Variants in TXNL1 observed in about 807,000 individuals in gnomAD.
TXNL1 encodes the protein thioredoxin-like protein 1.
In TXNL1, 14 loss-of-function variants were observed where a neutral mutation model predicts 35.5. The observed-to-expected ratio is 0.39, with a 90% CI of 0.26 to 0.62. The LOEUF is 0.62. Ranked by LOEUF, TXNL1 falls within the 20% of genes least tolerant of loss-of-function variation. The pLI, the probability that TXNL1 is intolerant of heterozygous loss-of-function variation, is 0.47. For synonymous variants in TXNL1, 110 were observed against 115.5 expected (o/e 0.95, Z 0.31); for missense variants, 263 against 349.7 (o/e 0.75, Z 1.98).
chr18:56,612,915 C>T (rs1470448860), intron 6 of TXNL1, among the ~76,000 whole-genome samples: 1 of 151,124 alleles, frequency 6.6e-6, no homozygotes, highest in Non-Finnish European at 1.5e-5. Context: ...TGTAATGACA[C>T]AACTGCAGCT....
At chr18:56,614,282 T>G in intron 6 of TXNL1, 142 bp downstream of exon 6, 1 of 669,888 alleles carries the variant, frequency 1.5e-6, no homozygotes, top group Non-Finnish European at 2.3e-6. Context: ...AAGAAGAAAA[T>G]TTATCCCATT....
rs2023793543 is a variant in TXNL1, at chr18:56,600,160, A to G, written c.*2867T>C. 1 of 152,254 alleles carries G rather than the reference A, an allele frequency of 6.6e-6. No homozygotes were observed. Among genetic ancestry groups the G allele is most frequent in the South Asian group, 2.1e-4 (1 of 4,838 alleles). The allele number at this position is 152,254 out of a possible 1,614,324, so 9.4% of individuals were successfully genotyped here. Reference sequence around the variant, plus strand: ...TAAAAGCCCATGATCAGGGATATTAATTGCAGCCATAAATAAACTGCTGAG... The same window carrying G: ...TAAAAGCCCATGATCAGGGATATTAGTTGCAGCCATAAATAAACTGCTGAG... On this transcript the variant is annotated 3_prime_UTR_variant, in exon 8 of 8. Coordinates refer to ENST00000217515, the MANE Select transcript of TXNL1 (RefSeq NM_004786.3).
At chr18:56,637,685 A>G (rs2024478088) in intron 1 of TXNL1, among the ~76,000 whole-genome samples, 1 of 152,222 alleles carries the variant, frequency 6.6e-6, no homozygotes. Flanking sequence ...CACCTGAAAT[A>G]TATTATATAT....
intron 6 of TXNL1, among the ~76,000 whole-genome samples, chr18:56,611,689 TTCTC>T (rs1183817366): frequency 6.6e-6 from 1 of 151,614 alleles, no homozygotes. Flanking sequence ...CACAATTAAA[TTCTC>T]TCTCTATATG....
rs1251985719 is a variant in TXNL1 at position 56,601,558 on chromosome 18, G to A, written c.*1469C>T. 1 of 152,036 alleles carries A rather than the reference G, an allele frequency of 6.6e-6. No homozygotes were observed. The allele number at this position is 152,036 out of a possible 1,614,324, so 9.4% of individuals were successfully genotyped here. On this transcript the variant is annotated 3_prime_UTR_variant, in exon 8 of 8. Coordinates refer to ENST00000217515, the MANE Select transcript of TXNL1 (RefSeq NM_004786.3). ...TTTAAGGAGTGTTAAGATCATCACA[G>A]ACCAGTTAATGTGCCCATATACAAA...
chr18:56,626,850 G>GCT (rs2024292103), intron 1 of TXNL1, among the ~76,000 whole-genome samples: 1 of 116,028 alleles, frequency 8.6e-6, no homozygotes, highest in Non-Finnish European at 1.7e-5. Flanking sequence ...TATAACCCAG[G>GCT]CCAGAGTACA....
chr18:56,616,363 G>A, intron 4 of TXNL1, 49 bp from the exon 5 acceptor site: 1 of 1,478,968 alleles, frequency 6.8e-7, no homozygotes, highest in Non-Finnish European at 9.3e-7. Context: ...CACACCTTGA[G>A]TACATAAACT....
rs1333291098 is a variant in TXNL1, at chr18:56,602,360, G to C, written c.*667C>G. 8.0e-6 allele frequency: 1 copy of C among 124,914 alleles called. No individual in the cohort carries two copies. The highest frequency in any genetic ancestry group is 1.6e-5 in the Non-Finnish European group (1 of 63,004). 7.7% of individuals were successfully genotyped at this position (124,914 alleles called of 1,614,324 possible). A position where few individuals can be genotyped will look rare whatever the true frequency, so the allele number is the denominator to read the frequency against. On this transcript the variant is annotated 3_prime_UTR_variant, in exon 8 of 8. Coordinates refer to ENST00000217515, the MANE Select transcript of TXNL1 (RefSeq NM_004786.3). ...TGCTGTATTTTTTCCCCAACTGTCT[G>C]ATTTCCACATTCTTCTATTAGTTAA...
intron 6 of TXNL1, 65 bp from the exon 7 acceptor site, chr18:56,611,162 C>T: frequency 9.2e-7 from 1 of 1,082,934 alleles, no homozygotes; most frequent in South Asian, 1.4e-5. Context: ...TAAGTTTAAT[C>T]AATTTCCTTA....
At chr18:56,616,134 A>T in intron 5 of TXNL1, 111 bp downstream of exon 5, 2 of 779,366 alleles carry the variant, frequency 2.6e-6, no homozygotes, top group Non-Finnish European at 3.7e-6. Flanking sequence ...TCTGTCTCAA[A>T]AAAAAAAAAA....
Position 56,626,980 on chromosome 18 carries a change from A to ATT in TXNL1, c.99-525_99-524dup, listed in dbSNP as rs556368982. 8.7e-3 allele frequency among the ~76,000 whole-genome samples: 1,095 copies of ATT among 125,682 alleles called. 12 individuals are homozygous for ATT. The highest frequency in any genetic ancestry group is 0.029 in the African/African-American group (1,006 of 34,878). 82.5% of individuals were successfully genotyped at this position (125,682 alleles called of 152,430 possible). On this transcript the variant is annotated intron_variant, in intron 1 of 7. Transcript: ENST00000217515. ...CCACCACACCCAGCTACCAAGCTAC[A>ATT]TTTTTTTTTTTTTTGAGAAGCAGGG...
At chr18:56,629,961 G>A (rs938353206) in intron 1 of TXNL1, among the ~76,000 whole-genome samples, 3 of 152,126 alleles carry the variant, frequency 2.0e-5, no homozygotes, top group African/African-American at 7.2e-5. Flanking sequence ...CACTTTGGGA[G>A]GCCAAGGCAG....
intron 5 of TXNL1, among the ~76,000 whole-genome samples, chr18:56,615,016 T>C (rs2024060877): frequency 6.6e-6 from 1 of 152,242 alleles, no homozygotes; most frequent in South Asian, 2.1e-4. Flanking sequence ...CTAGATCTTA[T>C]AGTTGCCAAT....
chr18:56,632,232 G>C (rs1054854306), intron 1 of TXNL1, among the ~76,000 whole-genome samples: 1 of 152,092 alleles, frequency 6.6e-6, no homozygotes, highest in African/African-American at 2.4e-5. Context: ...GCAACAACTT[G>C]TGTCAATATA....
At chr18:56,625,448 T>C (rs1341969349) in intron 2 of TXNL1, among the ~76,000 whole-genome samples, 1 of 152,208 alleles carries the variant, frequency 6.6e-6, no homozygotes, top group African/African-American at 2.4e-5. Context: ...CTGATCTGTA[T>C]TTTATACTTT....
At chr18:56,626,716 C>T (rs145907096) in intron 1 of TXNL1, among the ~76,000 whole-genome samples, 1,599 of 148,706 alleles carry the variant, frequency 0.011, 47 homozygotes, top group Admixed American at 0.056. Context: ...AGGCTGGTCT[C>T]GAACTCCTGA....
At position 56,626,481 on chromosome 18, in the gene TXNL1, A is replaced by C. The variant is rs776849764; in HGVS notation, c.99-24T>G. 2.2e-5 allele frequency: 35 copies of C among 1,563,792 alleles called. No individual in the cohort carries two copies. In the Admixed American group the frequency reaches 3.7e-4, roughly 16 times the overall value. On this transcript the variant is annotated intron_variant, in intron 1 of 7. Coordinates refer to ENST00000217515, the MANE Select transcript of TXNL1 (RefSeq NM_004786.3). Reference sequence around the variant, plus strand: ...ACCTGTTAGAAAAGGAAAATTAAGTAAAATAACACTAAAGATTGTAATTCT... The same window carrying C: ...ACCTGTTAGAAAAGGAAAATTAAGTCAAATAACACTAAAGATTGTAATTCT...
chr18:56,611,106 A>G lies in TXNL1; in HGVS notation c.736-9T>C. Reference sequence around the variant, plus strand: ...TTCGACTGAACAAATATCTACCAAAAAAAAGTTTGCATTTATAATTACAAT... The same window carrying G: ...TTCGACTGAACAAATATCTACCAAAGAAAAGTTTGCATTTATAATTACAAT... On this transcript the variant is annotated splice_polypyrimidine_tract_variant and intron_variant, in intron 6 of 7. Transcript: ENST00000217515. 1 of 1,574,322 alleles carries G rather than the reference A, an allele frequency of 6.4e-7. No individual in the cohort carries two copies. Among genetic ancestry groups the G allele is most frequent in the Non-Finnish European group, 8.6e-7 (1 of 1,158,274 alleles).
intron 4 of TXNL1, among the ~76,000 whole-genome samples, chr18:56,616,954 T>A (rs2024097998): frequency 6.6e-6 from 1 of 152,190 alleles, no homozygotes; most frequent in Non-Finnish European, 1.5e-5. Context: ...CAGCCAAAAG[T>A]GTGTTTGATG....
Sources: allele counts gnomAD v4.1 joint callset (sites outside exome capture counted in the v4.1 genomes callset), GRCh38; gene constraint gnomAD v4.1.1; transcripts MANE v1.5; gene names NCBI Gene and HGNC (gene_info 2026-07-23, HGNC 2026-07-21).